Variants in MACROD2 observed in about 807,000 individuals in gnomAD.
The protein encoded by MACROD2 is mono-ADP ribosylhydrolase 2, also known as ADP-ribose glycohydrolase MACROD2.
Under a neutral mutation model 70.4 loss-of-function variants are expected in MACROD2, and 36 were observed. That is an observed-to-expected ratio of 0.51 (90% CI 0.39 to 0.68). The LOEUF (loss-of-function observed/expected upper bound fraction) is 0.68, where lower values mean the gene tolerates loss of function less well. Ranked by LOEUF, MACROD2 falls within the 30% of genes least tolerant of loss-of-function variation. MACROD2 has a pLI of 0.00. For missense variants in MACROD2, 496 were observed against 538.4 expected (o/e 0.92, Z 0.78); for synonymous variants, 172 against 178.8 (o/e 0.96, Z 0.30).
rs567826221 is a variant in MACROD2 at position 14,306,504 on chromosome 20, A to G, written c.272-186975A>G. Among the ~76,000 whole-genome samples, 4 of 152,288 alleles carry G rather than the reference A, an allele frequency of 2.6e-5. No homozygotes were observed. The East Asian group carries it at 5.8e-4, about 22-fold the overall frequency. On this transcript the variant is annotated intron_variant, in intron 3 of 17. Transcript: ENST00000684519. ...CTAGTCCTGGAGGATATAATTAAAAATTGTTAAATGTTTTAATGAAATTAT... is the reference window on the plus strand; with the variant it reads ...CTAGTCCTGGAGGATATAATTAAAAGTTGTTAAATGTTTTAATGAAATTAT...
chr20:14,432,968 A>AAAT (rs760562479), intron 3 of MACROD2, among the ~76,000 whole-genome samples: 5 of 152,098 alleles, frequency 3.3e-5, no homozygotes, highest in African/African-American at 4.8e-5. Context: ...TAGTCATAGA[A>AAAT]AATAATAATA....
At chr20:15,311,742 A>G (rs1432965961) in intron 6 of MACROD2, among the ~76,000 whole-genome samples, 1 of 152,182 alleles carries the variant, frequency 6.6e-6, no homozygotes, top group Non-Finnish European at 1.5e-5. Flanking sequence ...TCGAGTACTC[A>G]CAAACATAAA....
chr20:14,567,214 A>G (rs763891303), intron 4 of MACROD2, among the ~76,000 whole-genome samples: 1 of 152,032 alleles, frequency 6.6e-6, no homozygotes, highest in Non-Finnish European at 1.5e-5. Flanking sequence ...GTGCACTGCT[A>G]TTTTATTTGT....
chr20:14,069,435 A>G lies in MACROD2; in HGVS notation c.164-16186A>G, dbSNP rs2053810312. Among the ~76,000 whole-genome samples, 2 of 151,942 alleles carry G rather than the reference A, an allele frequency of 1.3e-5. 1 individual carries two copies. The highest frequency in any genetic ancestry group is 4.2e-4 in the South Asian group (2 of 4,812). ...GGGCATTCTTTGCTTTCAGATTTACAACACAGTATATTTGTATATATTTAT... is the reference window on the plus strand; with the variant it reads ...GGGCATTCTTTGCTTTCAGATTTACGACACAGTATATTTGTATATATTTAT... On this transcript the variant is annotated intron_variant, in intron 2 of 17. Transcript: ENST00000684519.
chr20:14,545,418 A>T (rs9808604), intron 4 of MACROD2, among the ~76,000 whole-genome samples: 1 of 151,888 alleles, frequency 6.6e-6, no homozygotes, highest in East Asian at 1.9e-4. Context: ...CTACAGGATC[A>T]GATTCAGCTG....
At chr20:15,450,544 AT>A (rs1425475528) in intron 7 of MACROD2, among the ~76,000 whole-genome samples, 2 of 152,104 alleles carry the variant, frequency 1.3e-5, no homozygotes, top group African/African-American at 4.8e-5. Flanking sequence ...TTGTGTGTGT[AT>A]TTTTGTGTAT....
At chr20:15,706,461 A>G (rs933835865) in intron 8 of MACROD2, among the ~76,000 whole-genome samples, 6 of 152,208 alleles carry the variant, frequency 3.9e-5, no homozygotes, top group African/African-American at 1.4e-4. Flanking sequence ...CACTCTCAAA[A>G]ATTCCATGAC....
intron 5 of MACROD2, among the ~76,000 whole-genome samples, chr20:15,151,049 G>A (rs1051033848): frequency 6.6e-6 from 1 of 152,128 alleles, no homozygotes; most frequent in East Asian, 1.9e-4. Context: ...CGGCGTCCAC[G>A]ATGGTCTACA....
chr20:14,264,008 CACACACACACACACACACAA>C (rs2082122301), intron 3 of MACROD2, among the ~76,000 whole-genome samples: 2 of 141,878 alleles, frequency 1.4e-5, no homozygotes, highest in African/African-American at 5.3e-5. Context: ...CACACACACA[CACACACACACACACACACAA>C]CACAAGTGAA....
chr20:15,546,748 A>G (rs2048030634), intron 8 of MACROD2, among the ~76,000 whole-genome samples: 1 of 152,114 alleles, frequency 6.6e-6, no homozygotes, highest in African/African-American at 2.4e-5. Context: ...CAAGCTTTAG[A>G]TGACTCTTCT....
At chr20:15,458,293 A>T (rs971761461) in intron 7 of MACROD2, among the ~76,000 whole-genome samples, 1 of 152,066 alleles carries the variant, frequency 6.6e-6, no homozygotes, top group Non-Finnish European at 1.5e-5. Flanking sequence ...AAGGAAATGG[A>T]CTCCACCTTT....
chr20:14,231,592 A>G (rs1039210464), intron 3 of MACROD2, among the ~76,000 whole-genome samples: 5 of 152,156 alleles, frequency 3.3e-5, no homozygotes, highest in Admixed American at 6.5e-5. Flanking sequence ...TAGTGCCGCA[A>G]TAAACATACG....
chr20:15,768,759 C>T (rs1002289550), intron 8 of MACROD2, among the ~76,000 whole-genome samples: 1 of 152,056 alleles, frequency 6.6e-6, no homozygotes, highest in African/African-American at 2.4e-5. Flanking sequence ...TATTTTATTT[C>T]TTTATATCTT....
intron 5 of MACROD2, among the ~76,000 whole-genome samples, chr20:14,751,379 C>T (rs990482452): frequency 6.6e-6 from 1 of 152,016 alleles, no homozygotes; most frequent in African/African-American, 2.4e-5. Flanking sequence ...CACATGTACA[C>T]ATGTAACTTC....
At chr20:14,204,744 C>G (rs1398802796) in intron 3 of MACROD2, among the ~76,000 whole-genome samples, 1 of 152,226 alleles carries the variant, frequency 6.6e-6, no homozygotes, top group Non-Finnish European at 1.5e-5. Flanking sequence ...GTGCTGAATT[C>G]CAGTGTTCTG....
chr20:14,258,640 A>G (rs965808001), intron 3 of MACROD2, among the ~76,000 whole-genome samples: 4 of 151,732 alleles, frequency 2.6e-5, no homozygotes, highest in African/African-American at 9.7e-5. Context: ...GCTTGCGAAT[A>G]TTTTCTCCCA....
At chr20:15,290,600 A>C (rs1191753244) in intron 6 of MACROD2, among the ~76,000 whole-genome samples, 1 of 152,262 alleles carries the variant, frequency 6.6e-6, no homozygotes, top group Admixed American at 6.5e-5. Context: ...CTTTTGAGCC[A>C]TTAAAATGAA....
At chr20:14,107,866 C>G (rs1469745115) in intron 3 of MACROD2, among the ~76,000 whole-genome samples, 1 of 152,116 alleles carries the variant, frequency 6.6e-6, no homozygotes, top group East Asian at 1.9e-4. Context: ...AATTGACCTA[C>G]AAGAAATCCT....
Position 15,558,631 on chromosome 20 carries a change from C to T in MACROD2, c.645+58784C>T, listed in dbSNP as rs1423221013. Among the ~76,000 whole-genome samples the T allele has an allele frequency of 2.6e-5, 4 of 152,140 alleles. No individual in the cohort carries two copies. The East Asian group carries it at 5.8e-4, about 22-fold the overall frequency. On this transcript the variant is annotated intron_variant, in intron 8 of 17. Transcript: ENST00000684519. ...TGTGTTATTATTTTTCCCCCTTTCC[C>T]TTATCTTTTAGTGGCCTCACCAGAA...
Sources: gnomAD v4.1 joint callset for allele counts (sites outside exome capture counted in the v4.1 genomes callset) on GRCh38, gnomAD v4.1.1 for gene constraint, MANE v1.5 for transcripts, NCBI Gene and HGNC (gene_info 2026-07-23, HGNC 2026-07-21) for gene names.